The following SUCO variants were observed in gnomAD, a reference collection of about 807,000 sequenced individuals.
SUCO encodes SUN domain containing ossification factor, also known as SUN domain-containing ossification factor.
Under a neutral mutation model 148.1 loss-of-function variants are expected in SUCO, and 57 were observed. The observed-to-expected ratio is 0.38, with a 90% CI of 0.31 to 0.48. The LOEUF is 0.48. Ranked by LOEUF, SUCO falls within the 20% of genes least tolerant of loss-of-function variation. SUCO has a pLI of 0.96. For missense variants in SUCO, 1,331 were observed against 1,468.2 expected (o/e 0.91, Z 1.53); for synonymous variants, 470 against 502.7 (o/e 0.93, Z 0.87).
intron 1 of SUCO, among the ~76,000 whole-genome samples, chr1:172,539,056 CTT>C (rs1453137032): frequency 1.3e-5 from 2 of 152,128 alleles, no homozygotes; most frequent in Non-Finnish European, 2.9e-5. Context: ...GGTATCAGCT[CTT>C]TTGAGTATTG....
At chr1:172,597,358 C>G (rs185777663) in intron 19 of SUCO, among the ~76,000 whole-genome samples, 1 of 152,220 alleles carries the variant, frequency 6.6e-6, no homozygotes, top group African/African-American at 2.4e-5. Context: ...CCGTCTTCTG[C>G]GTCGCTGATG....
At chr1:172,573,828 T>A in intron 9 of SUCO, 63 bp from the exon 10 acceptor site, 1 of 909,202 alleles carries the variant, frequency 1.1e-6, no homozygotes, top group Non-Finnish European at 1.7e-6. Flanking sequence ...ACTGTTAATG[T>A]CATATTTAAT....
chr1:172,561,432 T>C (rs1178108349), intron 6 of SUCO, among the ~76,000 whole-genome samples: 2 of 152,192 alleles, frequency 1.3e-5, no homozygotes, highest in Non-Finnish European at 2.9e-5. Flanking sequence ...GGGATGTTGA[T>C]GACGAATCTA....
chr1:172,586,789 A>G (rs73034047), intron 17 of SUCO, among the ~76,000 whole-genome samples: 96 of 152,270 alleles, frequency 6.3e-4, no homozygotes, highest in African/African-American at 2.2e-3. Context: ...ATACTATTTC[A>G]AAAATGATAT....
chr1:172,588,776 G>A lies in SUCO; in HGVS notation c.1675G>A (p.Val559Ile). 6.5e-7 allele frequency: 1 copy of A among 1,527,450 alleles called. No individual in the cohort carries two copies. Among genetic ancestry groups the A allele is most frequent in the Non-Finnish European group, 8.8e-7 (1 of 1,138,228 alleles). 94.6% of individuals were successfully genotyped at this position (1,527,450 alleles called of 1,614,324 possible). The change falls in exon 18 of 24, where the codon GTA (valine) becomes ATA (isoleucine). Residue 559 changes from valine (V) to isoleucine (I), a missense_variant. This residue lies in a region of SUCO where 992 missense variants were observed against 1,093.5 expected (regional missense o/e 0.91). Transcript: ENST00000263688. ...VPSPEYVTTE[V>I]HTHDMEPSTP... ...TATTTCTAGGTATGTAACCACTGAA[G>A]TACACACACATGACATGGAGCCGTC...
At chr1:172,551,471 TTC>T (rs1558176190) in intron 1 of SUCO, 39 bp from the exon 2 acceptor site, 4 of 1,300,490 alleles carry the variant, frequency 3.1e-6, no homozygotes, top group Non-Finnish European at 3.2e-6. Context: ...TTCTTTCTCT[TTC>T]TCTTTTTCTG....
intron 9 of SUCO, among the ~76,000 whole-genome samples, chr1:172,572,519 A>G (rs2149247584): frequency 6.6e-6 from 1 of 151,944 alleles, no homozygotes; most frequent in East Asian, 1.9e-4. Flanking sequence ...ATTAAGAGTC[A>G]TCACCACTCC....
chr1:172,599,294 A>G (rs1329438337), intron 19 of SUCO: 2 of 187,352 alleles, frequency 1.1e-5, no homozygotes, highest in African/African-American at 4.7e-5. Flanking sequence ...GCGCCACTGC[A>G]CTCCAGCCTG....
At chr1:172,533,532 G>A (rs906093283) in intron 1 of SUCO, 35 bp downstream of exon 1, 1 of 1,511,300 alleles carries the variant, frequency 6.6e-7, no homozygotes, top group Non-Finnish European at 8.9e-7. Context: ...GTTCCCGTGA[G>A]GGGAGTAAAT....
chr1:172,582,953 A>C (rs1655977681), intron 15 of SUCO, among the ~76,000 whole-genome samples: 1 of 152,186 alleles, frequency 6.6e-6, no homozygotes, highest in Non-Finnish European at 1.5e-5. Flanking sequence ...ACAGATTAAC[A>C]CATTTATCTT....
intron 4 of SUCO, 132 bp downstream of exon 4, chr1:172,556,155 C>A: frequency 3.1e-6 from 2 of 643,070 alleles, no homozygotes; most frequent in Non-Finnish European, 5.3e-6. Context: ...AATTACAGTG[C>A]TTGTGTTTTG....
At position 172,565,403 on chromosome 1, in the gene SUCO, C is replaced by T. The variant is rs74482296; in HGVS notation, c.733-3616C>T. 6.2e-4 allele frequency among the ~76,000 whole-genome samples: 95 copies of T among 152,294 alleles called. No individual in the cohort carries two copies. The East Asian group carries it at 0.017, about 28-fold the overall frequency. On this transcript the variant is annotated intron_variant, in intron 6 of 23. Transcript: ENST00000263688. ...GAAAATAATACTTCTAACTTTAGGA[C>T]AGAAAAGGGCAAGACTAATACTTCC...
intron 6 of SUCO, among the ~76,000 whole-genome samples, chr1:172,561,712 C>T (rs182908443): frequency 2.3e-3 from 352 of 152,176 alleles, no homozygotes; most frequent in Non-Finnish European, 3.1e-3. Context: ...AATGAGTACC[C>T]ACTCACCTCT....
chr1:172,574,481 T>TA (rs199870175), intron 10 of SUCO, among the ~76,000 whole-genome samples: 3,337 of 152,124 alleles, frequency 0.022, 49 homozygotes, highest in Middle Eastern at 0.038. Context: ...AAGAAATAAA[T>TA]ATATGTTGTG....
In SUCO at chr1:172,602,173, A is replaced by G. The variant is rs916177336; in HGVS notation, c.3128A>G (p.Tyr1043Cys). The G allele has an allele frequency of 6.2e-6, 10 of 1,613,544 alleles. No individual in the cohort carries two copies. The highest frequency in any genetic ancestry group is 1.1e-5 in the South Asian group (1 of 91,048). ...AATACTTCTCAATTTGATGGAGATT[A>G]TATTTCAAAACTTCCTAAAAGTAAT... is the stretch of plus-strand genomic sequence containing the variant. ...CRNTSQFDGD[Y>C]ISKLPKSNQY... The change falls in exon 21 of 24, where the codon TAT becomes TGT. Residue 1043 changes from tyrosine to cysteine, a missense_variant. Physicochemically the swap from Tyr to Cys is radical, Grantham distance 194. Coordinates refer to ENST00000263688, the MANE Select transcript of SUCO (RefSeq NM_014283.5).
chr1:172,575,685 A>G, intron 11 of SUCO, 62 bp downstream of exon 11: 3 of 1,087,122 alleles, frequency 2.8e-6, no homozygotes, highest in Non-Finnish European at 4.1e-6. Flanking sequence ...TTCACACTTT[A>G]TACACCTCAT....
chr1:172,573,797 A>T, intron 9 of SUCO, 94 bp from the exon 10 acceptor site: 1 of 690,768 alleles, frequency 1.4e-6, no homozygotes, highest in Non-Finnish European at 2.4e-6. Flanking sequence ...GTAACTCTTA[A>T]TGGTAGTCTA....
At chr1:172,590,497 CT>C (rs746624474) in intron 18 of SUCO, 30 of 301,876 alleles carry the variant, frequency 9.9e-5, no homozygotes, top group East Asian at 1.7e-4. Context: ...CCTATTTACT[CT>C]TTTTTTTATC....
intron 19 of SUCO, among the ~76,000 whole-genome samples, chr1:172,595,013 A>C (rs1019850413): frequency 2.0e-5 from 3 of 152,148 alleles, no homozygotes; most frequent in Non-Finnish European, 2.9e-5. Flanking sequence ...CTTCTTGTTG[A>C]ATTGATCCCT....
Sources: allele counts gnomAD v4.1 joint callset (sites outside exome capture counted in the v4.1 genomes callset), GRCh38; gene constraint gnomAD v4.1.1; regional missense constraint gnomAD v4.1.1; transcripts MANE v1.5; gene names NCBI Gene and HGNC (gene_info 2026-07-23, HGNC 2026-07-21).